SMYD2: variants seen among roughly 807,000 people sequenced by gnomAD.
SMYD2 encodes the protein SET and MYND domain containing 2.
A neutral mutation model predicts 59.1 loss-of-function variants in SMYD2; 53 were observed. The ratio of observed to expected loss-of-function variants is 0.90; its 90% confidence interval spans 0.72 to 1.13. The LOEUF is 1.13. Ranked by LOEUF, SMYD2 falls within the 50% of genes most tolerant of loss-of-function variation. The pLI, the probability that SMYD2 is intolerant of heterozygous loss-of-function variation, is 0.00. For synonymous variants in SMYD2, 208 were observed against 198.8 expected, an observed-to-expected ratio of 1.05 and a Z score of -0.39; for missense variants, 494 against 544.7, an observed-to-expected ratio of 0.91 and a Z score of 0.93.
intron 1 of SMYD2, among the ~76,000 whole-genome samples, chr1:214,286,229 G>C (rs938637427): frequency 2.6e-5 from 4 of 152,196 alleles, no homozygotes; most frequent in Admixed American, 6.5e-5. Context: ...GACTTGGTAG[G>C]CTGAGGTGGG....
rs1279503092 is a variant in SMYD2, at chr1:214,281,499, A to C, written c.173+72A>C. The C allele has an allele frequency of 2.7e-6, 3 of 1,100,536 alleles. No individual in the cohort carries two copies. In the African/African-American group the frequency reaches 5.3e-5, roughly 20 times the overall value. 68.2% of individuals were successfully genotyped at this position (1,100,536 alleles called of 1,614,324 possible). A position where few individuals can be genotyped will look rare whatever the true frequency, so the allele number is the denominator to read the frequency against. ...AGCGGGAGGCTTGGACGGCGGCGCC[A>C]GGAAGTGCGTGCGGCTCGCGGGGTC... On this transcript the variant is annotated intron_variant, in intron 1 of 11. Transcript: ENST00000366957.
chr1:214,306,571 G>A (rs1457206179), intron 2 of SMYD2, among the ~76,000 whole-genome samples: 1 of 152,164 alleles, frequency 6.6e-6, no homozygotes, highest in African/African-American at 2.4e-5. Flanking sequence ...TTGAGTTTTC[G>A]GGGAGGGTGC....
intron 1 of SMYD2, among the ~76,000 whole-genome samples, chr1:214,291,678 G>A (rs993841480): frequency 1.3e-5 from 2 of 152,014 alleles, no homozygotes; most frequent in East Asian, 3.9e-4. Flanking sequence ...TGTTGGCCAC[G>A]ACCCTTATGA....
intron 11 of SMYD2, among the ~76,000 whole-genome samples, chr1:214,336,178 A>G (rs894614901): frequency 6.6e-6 from 1 of 151,348 alleles, no homozygotes; most frequent in African/African-American, 2.4e-5. Context: ...TTTTTGCAGA[A>G]TGTTTTACCT....
At chr1:214,335,647 T>G (rs1253664830) in intron 11 of SMYD2, among the ~76,000 whole-genome samples, 2 of 152,260 alleles carry the variant, frequency 1.3e-5, no homozygotes, top group Non-Finnish European at 2.9e-5. Flanking sequence ...TGACATTTGA[T>G]ATAAACTTCC....
intron 6 of SMYD2, among the ~76,000 whole-genome samples, chr1:214,326,237 CAAAAAAAA>C (rs35269144): frequency 4.6e-4 from 42 of 90,760 alleles, no homozygotes; most frequent in Admixed American, 1.4e-3. Flanking sequence ...GACTCCATCT[CAAAAAAAA>C]AAAAAAAAAA....
At chr1:214,333,076 C>G (rs1657381021) in intron 10 of SMYD2, 1 of 152,246 alleles carries the variant, frequency 6.6e-6, no homozygotes, top group Non-Finnish European at 1.5e-5. Context: ...CTGCCCACTC[C>G]ACCCTCTACT....
intron 1 of SMYD2, among the ~76,000 whole-genome samples, chr1:214,296,618 T>A (rs1392595074): frequency 1.3e-5 from 2 of 152,206 alleles, no homozygotes; most frequent in South Asian, 2.1e-4. Flanking sequence ...TTCTAAGCAA[T>A]GTATTAAATG....
rs1558053496 is a variant in SMYD2, at chr1:214,312,287, CGG to C, written c.238-2473_238-2472del. Among the ~76,000 whole-genome samples, 1 of 152,066 alleles carries C rather than the reference CGG, an allele frequency of 6.6e-6. No homozygotes were observed. The stretch of plus-strand genomic sequence containing the variant: ...CTTGGGGGATCAGTGTGGAGGGAAG[CGG>C]GTAGGGAGATATCTTCATTCCTTCA... On this transcript the variant is annotated intron_variant, in intron 2 of 11. Transcript: ENST00000366957. This position sits in a 1 kb window ranked among gnomAD's most constrained non-coding sequence, Gnocchi z 4.1.
chr1:214,290,474 A>G (rs780261662), intron 1 of SMYD2, among the ~76,000 whole-genome samples: 6 of 152,236 alleles, frequency 3.9e-5, no homozygotes, highest in Non-Finnish European at 7.3e-5. Flanking sequence ...CTGAGAATTC[A>G]TAAGTGCTTA....
intron 1 of SMYD2, among the ~76,000 whole-genome samples, chr1:214,284,241 A>G (rs930441530): frequency 1.9e-5 from 2 of 102,666 alleles, no homozygotes; most frequent in South Asian, 6.4e-4. Flanking sequence ...ATTTATCACC[A>G]TTTTTTGGTG....
chr1:214,314,125 C>T (rs1187646601), intron 2 of SMYD2, among the ~76,000 whole-genome samples: 2 of 151,720 alleles, frequency 1.3e-5, no homozygotes, highest in African/African-American at 4.8e-5. Context: ...TGCAGTGAGT[C>T]GAGATCGCGC....
intron 1 of SMYD2, among the ~76,000 whole-genome samples, chr1:214,301,205 A>G (rs1656817961): frequency 6.6e-6 from 1 of 152,220 alleles, no homozygotes; most frequent in Non-Finnish European, 1.5e-5. Flanking sequence ...ATTATGTAGC[A>G]AAAATAAAGC....
At chr1:214,334,145 G>GGGGC (rs1657399340) in intron 10 of SMYD2, 55 bp from the exon 11 acceptor site, 9 of 1,518,648 alleles carry the variant, frequency 5.9e-6, no homozygotes, top group Non-Finnish European at 8.2e-6. Flanking sequence ...CCCAGCCTGT[G>GGGGC]GGGCGGCTCA....
At chr1:214,287,586 CAAAAA>C (rs36187427) in intron 1 of SMYD2, among the ~76,000 whole-genome samples, 1 of 75,536 alleles carries the variant, frequency 1.3e-5, no homozygotes. Flanking sequence ...GACTATGTCT[CAAAAA>C]AAAAAAAAAA....
At chr1:214,319,050 A>G (rs1385352244) in intron 5 of SMYD2, 67 bp downstream of exon 5, 1 of 1,569,510 alleles carries the variant, frequency 6.4e-7, no homozygotes, top group East Asian at 2.2e-5. Flanking sequence ...CTCCCTAGCA[A>G]GCACTCAGTG....
Position 214,318,817 on chromosome 1 carries a change from C to A in SMYD2, c.410-42C>A. 6.2e-7 allele frequency: 1 copy of A among 1,602,432 alleles called. No homozygotes were observed. Among genetic ancestry groups the A allele is most frequent in the South Asian group, 1.1e-5 (1 of 89,524 alleles). ...CAAAAATAGGATGTAGCTAGAAATC[C>A]CACGCTTTCTACTGGGTGAATAATG... On this transcript the variant is annotated intron_variant, in intron 4 of 11. Transcript: ENST00000366957. The surrounding 1 kb of genome is among the most constrained non-coding windows in gnomAD (Gnocchi z 5.4).
intron 1 of SMYD2, among the ~76,000 whole-genome samples, chr1:214,295,279 G>C (rs1413783018): frequency 1.3e-5 from 2 of 152,306 alleles, no homozygotes; most frequent in Admixed American, 1.3e-4. Context: ...GTTAGAGATT[G>C]TGCAGGGCCT....
At chr1:214,288,593 C>T (rs1173930264) in intron 1 of SMYD2, among the ~76,000 whole-genome samples, 1 of 152,004 alleles carries the variant, frequency 6.6e-6, no homozygotes, top group Non-Finnish European at 1.5e-5. Context: ...TTATAATTGG[C>T]CAACAATTTA....
Sources: allele counts gnomAD v4.1 joint callset (sites outside exome capture counted in the v4.1 genomes callset), GRCh38; gene constraint gnomAD v4.1.1; non-coding constraint Gnocchi (gnomAD v3.1); transcripts MANE v1.5; gene names NCBI Gene and HGNC (gene_info 2026-07-23, HGNC 2026-07-21).